The following LRP2 variants were observed in gnomAD, a reference collection of about 807,000 sequenced individuals.
The protein encoded by LRP2 is low-density lipoprotein receptor-related protein 2.
In LRP2, 172 loss-of-function variants were observed where a neutral mutation model predicts 531.0. The ratio of observed to expected loss-of-function variants is 0.32; its 90% CI spans 0.29 to 0.37. LRP2 has a LOEUF of 0.37. Among genes scored for constraint, LRP2 ranks in the 10% least tolerant of loss-of-function variants. LRP2 has a pLI of 1.00. For missense variants in LRP2, 5,167 were observed against 5,868.3 expected, an observed-to-expected ratio of 0.88 and a Z score of 3.90; for synonymous variants, 1,992 against 2,027.6, an observed-to-expected ratio of 0.98 and a Z score of 0.47.
At chr2:169,243,576 C>A in intron 22 of LRP2, 54 bp from the exon 23 acceptor site, 2 of 1,610,904 alleles carry the variant, frequency 1.2e-6, no homozygotes, top group South Asian at 2.2e-5. Context: ...CAACAAGTAC[C>A]AGAGCCAAAC....
intron 34 of LRP2, among the ~76,000 whole-genome samples, chr2:169,219,678 G>GA (rs1254584453): frequency 3.9e-5 from 6 of 152,146 alleles, no homozygotes; most frequent in African/African-American, 1.4e-4. Context: ...AGACACTGTG[G>GA]ACTACTAGAG....
intron 3 of LRP2, among the ~76,000 whole-genome samples, chr2:169,308,518 C>G (rs1011826380): frequency 2.0e-5 from 3 of 152,114 alleles, no homozygotes; most frequent in African/African-American, 7.2e-5. Flanking sequence ...TGATCGTTTC[C>G]AGCTTCATCC....
At chr2:169,326,172 CCCCCTCT>C (rs1301858111) in intron 1 of LRP2, among the ~76,000 whole-genome samples, 33 of 36,196 alleles carry the variant, frequency 9.1e-4, no homozygotes, top group African/African-American at 1.5e-3. Flanking sequence ...CCCTCTCCCT[CCCCCTCT>C]CCCCTCTCCC....
chr2:169,188,518 C>T (rs1312042341), intron 48 of LRP2, among the ~76,000 whole-genome samples: 2 of 152,114 alleles, frequency 1.3e-5, no homozygotes, highest in South Asian at 2.1e-4. Flanking sequence ...AGAAATGCTA[C>T]CATTAAATGC....
intron 1 of LRP2, among the ~76,000 whole-genome samples, chr2:169,360,887 C>T (rs1332393175): frequency 6.6e-6 from 1 of 152,140 alleles, no homozygotes; most frequent in Non-Finnish European, 1.5e-5. Context: ...CTCTAAGGAG[C>T]TTACGCTAAG....
intron 1 of LRP2, among the ~76,000 whole-genome samples, chr2:169,357,197 G>T (rs1686011140): frequency 6.6e-6 from 1 of 150,970 alleles, no homozygotes; most frequent in Admixed American, 6.6e-5. Flanking sequence ...CTAGATTCGT[G>T]CAGTCAACCT....
chr2:169,186,798 G>A (rs540498249), intron 49 of LRP2, among the ~76,000 whole-genome samples: 17 of 152,240 alleles, frequency 1.1e-4, no homozygotes, highest in Admixed American at 7.2e-4. Context: ...AGATCACTTC[G>A]TCTTCAAGCT....
chr2:169,296,442 A>G (rs1684136340), intron 4 of LRP2, among the ~76,000 whole-genome samples: 1 of 151,940 alleles, frequency 6.6e-6, no homozygotes, highest in Non-Finnish European at 1.5e-5. Context: ...TCTCCCTTCA[A>G]GTGATGTTTA....
chr2:169,169,290 T>G (rs1686903166), intron 60 of LRP2, among the ~76,000 whole-genome samples: 1 of 152,234 alleles, frequency 6.6e-6, no homozygotes, highest in African/African-American at 2.4e-5. Context: ...TTAATCATTT[T>G]TATACTCCAT....
chr2:169,178,860 A>G (rs1051572446), intron 52 of LRP2, among the ~76,000 whole-genome samples: 4 of 152,230 alleles, frequency 2.6e-5, no homozygotes, highest in Non-Finnish European at 5.9e-5. Flanking sequence ...TAGCCATGCA[A>G]TGTTAAAAAT....
At chr2:169,131,990 C>T (rs1027594259) in intron 77 of LRP2, among the ~76,000 whole-genome samples, 1 of 152,188 alleles carries the variant, frequency 6.6e-6, no homozygotes, top group African/African-American at 2.4e-5. Context: ...TAAGAAGCTC[C>T]ATCTAGTGGC....
chr2:169,220,669 G>T, intron 33 of LRP2, 106 bp from the exon 34 acceptor site: 1 of 730,562 alleles, frequency 1.4e-6, no homozygotes. Context: ...GCACGATTAG[G>T]GATGGATGAG....
rs66660630 is a variant in LRP2 at position 169,141,970 on chromosome 2, G to T, written c.13108+704C>A. Among the ~76,000 whole-genome samples, 848 of 152,246 alleles carry T rather than the reference G, an allele frequency of 5.6e-3. 13 individuals are homozygous for T. Among genetic ancestry groups the T allele is most frequent in the African/African-American group, 0.02 (814 of 41,518 alleles). ...CTGCCTGCTCCCCCTGGTGGTAGAA[G>T]GTGGTTAAGCGTTTTCCTTTCCCCA... On this transcript the variant is annotated intron_variant, in intron 71 of 78. Transcript: ENST00000649046.
At chr2:169,264,586 A>T (rs1368287303) in intron 16 of LRP2, among the ~76,000 whole-genome samples, 1 of 152,088 alleles carries the variant, frequency 6.6e-6, no homozygotes, top group Non-Finnish European at 1.5e-5. Context: ...ATAACAGCAG[A>T]TGAGTAATTC....
intron 76 of LRP2, among the ~76,000 whole-genome samples, chr2:169,133,893 G>C (rs1045290477): frequency 6.6e-6 from 1 of 151,970 alleles, no homozygotes; most frequent in Non-Finnish European, 1.5e-5. Context: ...AAATTACCTG[G>C]GCTGTACTGC....
intron 1 of LRP2, among the ~76,000 whole-genome samples, chr2:169,345,863 C>G (rs955276470): frequency 6.6e-6 from 1 of 151,242 alleles, no homozygotes; most frequent in Non-Finnish European, 1.5e-5. Flanking sequence ...TCTCCAAAAA[C>G]AAAACAAAAC....
At chr2:169,356,556 C>A (rs1685993273) in intron 1 of LRP2, among the ~76,000 whole-genome samples, 1 of 152,184 alleles carries the variant, frequency 6.6e-6, no homozygotes, top group African/African-American at 2.4e-5. Context: ...CCCAGAGCAC[C>A]CAGCATGTGT....
chr2:169,244,567 T>C, intron 22 of LRP2, 126 bp downstream of exon 22: 1 of 1,262,464 alleles, frequency 7.9e-7, no homozygotes, highest in Non-Finnish European at 1.1e-6. Context: ...GATTGACAAG[T>C]GGAATAGAAG....
chr2:169,152,257 C>G (rs955030917), intron 67 of LRP2, among the ~76,000 whole-genome samples: 3 of 152,196 alleles, frequency 2.0e-5, no homozygotes, highest in African/African-American at 7.2e-5. Context: ...TCTATTAACT[C>G]AATTCCAAAG....
Sources: allele counts gnomAD v4.1 joint callset (sites outside exome capture counted in the v4.1 genomes callset), GRCh38; gene constraint gnomAD v4.1.1; transcripts MANE v1.5; gene names NCBI Gene and HGNC (gene_info 2026-07-23, HGNC 2026-07-21).